Variants in MYO1B observed in about 807,000 individuals in gnomAD.
MYO1B encodes unconventional myosin-Ib.
In MYO1B, 72 loss-of-function variants were observed where a neutral mutation model predicts 159.7. The ratio of observed to expected loss-of-function variants is 0.45; its 90% confidence interval spans 0.37 to 0.55. The LOEUF (loss-of-function observed/expected upper bound fraction) is 0.55. Among genes scored for constraint, MYO1B ranks in the 20% least tolerant of loss-of-function variants. MYO1B has a pLI of 0.00. For synonymous variants in MYO1B, 468 were observed against 473.8 expected, an observed-to-expected ratio of 0.99 and a Z score of 0.16; for missense variants, 1,062 against 1,364.8, an observed-to-expected ratio of 0.78 and a Z score of 3.50.
At chr2:191,398,637 G>A (rs1225171389) in intron 21 of MYO1B, among the ~76,000 whole-genome samples, 3 of 150,612 alleles carry the variant, frequency 2.0e-5, no homozygotes, top group Admixed American at 6.6e-5. Context: ...ACAGGGCGGC[G>A]GGGCAGAGGC....
At chr2:191,390,587 A>G in intron 18 of MYO1B, 95 bp downstream of exon 18, 1 of 1,352,496 alleles carries the variant, frequency 7.4e-7, no homozygotes, top group South Asian at 1.5e-5. Flanking sequence ...ACAGAATTTT[A>G]TGAAAAACTG....
At chr2:191,376,550 A>G (rs1319391445) in intron 13 of MYO1B, among the ~76,000 whole-genome samples, 4 of 152,190 alleles carry the variant, frequency 2.6e-5, no homozygotes. Context: ...ATATAAATGC[A>G]TTGACTCATT....
intron 1 of MYO1B, among the ~76,000 whole-genome samples, chr2:191,247,264 G>T (rs1384014945): frequency 6.6e-6 from 1 of 152,144 alleles, no homozygotes; most frequent in Non-Finnish European, 1.5e-5. Context: ...GCCCAGAGCT[G>T]CCTCTTTGAC....
rs914986298 is a variant in MYO1B at position 191,245,573 on chromosome 2, G to A, written c.-63G>A. On this transcript the variant is annotated 5_prime_UTR_variant, in exon 1 of 31. Coordinates refer to ENST00000392318, the MANE Select transcript of MYO1B (RefSeq NM_001130158.3). ...GCCCGCGTCCCGGAGCGCCACCGGA[G>A]AGCGAGGACGACGTGGAGGCGGAGT... The A allele has an allele frequency of 1.4e-4, 21 of 152,334 alleles. No individual in the cohort carries two copies. Among genetic ancestry groups the A allele is most frequent in the African/African-American group, 5.1e-4 (21 of 41,572 alleles). The allele number at this position is 152,334 out of a possible 1,614,324, so 9.4% of individuals were successfully genotyped here.
At chr2:191,351,442 T>G (rs1288867911) in intron 7 of MYO1B, among the ~76,000 whole-genome samples, 1 of 146,270 alleles carries the variant, frequency 6.8e-6, no homozygotes, top group Non-Finnish European at 1.5e-5. Flanking sequence ...AGTAATTTGG[T>G]CAAACTATGC....
chr2:191,395,831 C>G (rs1696039422), intron 20 of MYO1B, among the ~76,000 whole-genome samples: 1 of 152,236 alleles, frequency 6.6e-6, no homozygotes, highest in Admixed American at 6.5e-5. Context: ...GTGTTCACTT[C>G]AACTCCTTGA....
At chr2:191,257,433 T>C (rs768671362) in intron 1 of MYO1B, among the ~76,000 whole-genome samples, 21 of 152,220 alleles carry the variant, frequency 1.4e-4, no homozygotes, top group Non-Finnish European at 2.8e-4. Context: ...TCAGAATTTT[T>C]GAACTTTTCC....
chr2:191,294,099 G>A (rs1382026265), intron 2 of MYO1B, among the ~76,000 whole-genome samples: 1 of 152,110 alleles, frequency 6.6e-6, no homozygotes, highest in Admixed American at 6.5e-5. Context: ...AGATGCAGCT[G>A]GGGGAAAACA....
At chr2:191,275,263 CA>C (rs1335906888) in intron 1 of MYO1B, among the ~76,000 whole-genome samples, 3 of 152,088 alleles carry the variant, frequency 2.0e-5, no homozygotes, top group Non-Finnish European at 2.9e-5. Flanking sequence ...CATACAGTAA[CA>C]AAAAAGTTAC....
At chr2:191,285,374 A>G (rs957721714) in intron 2 of MYO1B, among the ~76,000 whole-genome samples, 11 of 152,190 alleles carry the variant, frequency 7.2e-5, no homozygotes, top group Non-Finnish European at 1.0e-4. Context: ...CAAGAGTATA[A>G]TATGATGGTA....
At chr2:191,269,478 TTGAG>T (rs34173938) in intron 1 of MYO1B, among the ~76,000 whole-genome samples, 57,444 of 151,852 alleles carry the variant, frequency 0.38, 11,021 homozygotes, top group Middle Eastern at 0.52. Flanking sequence ...CAACATCTGT[TTGAG>T]TGCCTTCTTT....
chr2:191,328,257 G>A (rs554138301), intron 3 of MYO1B, among the ~76,000 whole-genome samples: 5 of 152,306 alleles, frequency 3.3e-5, no homozygotes, highest in Non-Finnish European at 5.9e-5. Context: ...TTATGGTTCC[G>A]TATGCCTTTG....
At chr2:191,388,813 T>C (rs1695561771) in intron 17 of MYO1B, among the ~76,000 whole-genome samples, 2 of 152,170 alleles carry the variant, frequency 1.3e-5, no homozygotes, top group South Asian at 2.1e-4. Flanking sequence ...ATATATGCTT[T>C]AGTAACCACC....
Position 191,338,132 on chromosome 2 carries a change from A to C in MYO1B, c.347-3329A>C, listed in dbSNP as rs375002273. Among the ~76,000 whole-genome samples the C allele has an allele frequency of 2.7e-3, 338 of 124,760 alleles. 3 individuals carry two copies. Among genetic ancestry groups the C allele is most frequent in the African/African-American group, 0.011 (321 of 28,280 alleles). 81.8% of individuals were successfully genotyped at this position (124,760 alleles called of 152,430 possible). A position where few individuals can be genotyped will look rare whatever the true frequency, so the allele number is the denominator to read the frequency against. Reference sequence around the variant, plus strand: ...GAAGTACTTGAGTTAAAGGTCAAGTATATGTCAGGAAAAAAAAAATTATAA... The same window carrying C: ...GAAGTACTTGAGTTAAAGGTCAAGTCTATGTCAGGAAAAAAAAAATTATAA... On this transcript the variant is annotated intron_variant, in intron 4 of 30. Transcript: ENST00000392318.
intron 26 of MYO1B, among the ~76,000 whole-genome samples, chr2:191,409,500 A>G (rs754797234): frequency 1.5e-4 from 23 of 152,332 alleles, no homozygotes; most frequent in Non-Finnish European, 3.2e-4. Context: ...CTAAAGGAAT[A>G]CTGTAGGACA....
chr2:191,347,504 T>C (rs1692642136), intron 6 of MYO1B, among the ~76,000 whole-genome samples: 1 of 152,250 alleles, frequency 6.6e-6, no homozygotes, highest in African/African-American at 2.4e-5. Flanking sequence ...CAGTATTTAA[T>C]ATTTGCAAAT....
intron 1 of MYO1B, among the ~76,000 whole-genome samples, chr2:191,276,377 A>G (rs970400775): frequency 6.6e-6 from 1 of 152,238 alleles, no homozygotes; most frequent in African/African-American, 2.4e-5. Context: ...TAAAGTGGGA[A>G]TGACAATACC....
chr2:191,405,660 A>G (rs1248743783), intron 24 of MYO1B, among the ~76,000 whole-genome samples: 9 of 152,236 alleles, frequency 5.9e-5, no homozygotes, highest in Non-Finnish European at 8.8e-5. Flanking sequence ...TTGGGTGACC[A>G]GGTGCCTTGT....
In MYO1B at chr2:191,393,142, C is replaced by T. The variant is rs539821767; in HGVS notation, c.2146C>T (p.Arg716Trp). 9 of 1,613,816 alleles carry T rather than the reference C, an allele frequency of 5.6e-6. No homozygotes were observed. The highest frequency in any genetic ancestry group is 4.0e-5 in the African/African-American group (3 of 74,964). Residue 716 changes from arginine to tryptophan, a missense_variant, in exon 20 of 31, where the codon CGG becomes TGG. Physicochemically the swap from Arg to Trp is moderately radical, Grantham distance 101 (BLOSUM62 -3). This residue lies in a region of MYO1B where 609 missense variants were observed against 744.4 expected (regional missense o/e 0.82). Transcript: ENST00000392318. ...DLATLIQKIY[R>W]GWKCRTHFLL... ...GGCCACTCTCATTCAGAAGATATATCGGGGGTGGAAATGCCGCACACACTT... is the reference window on the plus strand; with the variant it reads ...GGCCACTCTCATTCAGAAGATATATTGGGGGTGGAAATGCCGCACACACTT...
Sources: gnomAD v4.1 joint callset for allele counts (sites outside exome capture counted in the v4.1 genomes callset) on GRCh38, gnomAD v4.1.1 for gene constraint, gnomAD v4.1.1 regional missense constraint, MANE v1.5 for transcripts, NCBI Gene and HGNC (gene_info 2026-07-23, HGNC 2026-07-21) for gene names.